Variants in CACNA2D3 observed in about 807,000 individuals in gnomAD.
CACNA2D3 encodes calcium voltage-gated channel auxiliary subunit alpha2delta 3.
In CACNA2D3, 60 loss-of-function variants were observed where a neutral mutation model predicts 160.6. The observed-to-expected ratio is 0.37, with a 90% CI of 0.30 to 0.46. The LOEUF (loss-of-function observed/expected upper bound fraction) is 0.46. Among genes scored for constraint, CACNA2D3 ranks in the 20% least tolerant of loss-of-function variants. The probability of loss-of-function intolerance (pLI) is 1.00; values close to 1 mark genes in which losing one functional copy is unlikely to be tolerated. For missense variants in CACNA2D3, 1,205 were observed against 1,365.0 expected (o/e 0.88, Z 1.85); for synonymous variants, 558 against 492.9 (o/e 1.13, Z -1.75).
rs1559461092 is a variant in CACNA2D3, at chr3:55,004,826, T to C, written c.2754T>C (p.His918=). The C allele has an allele frequency of 1.2e-6, 2 of 1,612,962 alleles. No homozygotes were observed. Among genetic ancestry groups the C allele is most frequent in the East Asian group, 2.2e-5 (1 of 44,854 alleles). The change falls in exon 32 of 38, where the codon CAT becomes CAC. Residue 918 remains histidine, a synonymous_variant. Coordinates refer to ENST00000474759, the MANE Select transcript of CACNA2D3 (RefSeq NM_018398.3). The part of the protein sequence containing the change: ...RANKESSDGA[H]GLLDPYNAFL... ...ACAAGGAAAGCAGCGATGGCGCCCATGGCCTCCTGGATGTAAGTACTATGC... is the reference window on the plus strand; with the variant it reads ...ACAAGGAAAGCAGCGATGGCGCCCACGGCCTCCTGGATGTAAGTACTATGC...
rs143892605 is a variant in CACNA2D3, at chr3:54,453,137, A to G, written c.382-50355A>G. ...TTCCCAAGCTGCTGGGACCATAAGT[A>G]TGCACCACCACACCCAGCTAATTTT... On this transcript the variant is annotated intron_variant, in intron 4 of 37. Transcript: ENST00000474759. 1.5e-3 allele frequency among the ~76,000 whole-genome samples: 225 copies of G among 151,978 alleles called. 1 individual carries two copies. In the East Asian group the frequency reaches 0.026, roughly 18 times the overall value.
At chr3:54,272,333 G>A (rs774070121) in intron 2 of CACNA2D3, among the ~76,000 whole-genome samples, 2 of 152,246 alleles carry the variant, frequency 1.3e-5, no homozygotes, top group Non-Finnish European at 2.9e-5. Context: ...CTTGCAGCCA[G>A]TGAGAGAAGC....
At chr3:54,998,571 A>G (rs1702908883) in intron 31 of CACNA2D3, among the ~76,000 whole-genome samples, 1 of 152,164 alleles carries the variant, frequency 6.6e-6, no homozygotes, top group African/African-American at 2.4e-5. Context: ...TTTGGTGCCA[A>G]CAGACCCTCT....
intron 35 of CACNA2D3, among the ~76,000 whole-genome samples, chr3:55,051,704 C>G (rs1225995949): frequency 6.6e-6 from 1 of 152,174 alleles, no homozygotes; most frequent in African/African-American, 2.4e-5. Context: ...CTCCCCCAGC[C>G]TCGCTGCCGC....
chr3:55,058,419 C>A (rs905402154), intron 35 of CACNA2D3, among the ~76,000 whole-genome samples: 1 of 152,110 alleles, frequency 6.6e-6, no homozygotes, highest in Non-Finnish European at 1.5e-5. Context: ...AGGATTCCTT[C>A]TGGGGAGAAC....
chr3:54,144,181 G>T (rs528282063), intron 2 of CACNA2D3, among the ~76,000 whole-genome samples: 1 of 152,298 alleles, frequency 6.6e-6, no homozygotes, highest in Admixed American at 6.5e-5. Flanking sequence ...TGTATCTTAT[G>T]AGCATATCCC....
Position 54,436,228 on chromosome 3 carries a change from A to G in CACNA2D3, c.381+49454A>G, listed in dbSNP as rs1248293921. On this transcript the variant is annotated intron_variant, in intron 4 of 37. Transcript: ENST00000474759. ...AAATGCAAATCAAAACCACAATGAG[A>G]TAACATCTCACGCCAGTTAGAATGG... Among the ~76,000 whole-genome samples the G allele has an allele frequency of 2.6e-5, 4 of 152,380 alleles. No homozygotes were observed. The East Asian group carries it at 7.7e-4, about 29-fold the overall frequency.
chr3:54,202,493 G>A (rs1701198053), intron 2 of CACNA2D3, among the ~76,000 whole-genome samples: 1 of 152,204 alleles, frequency 6.6e-6, no homozygotes, highest in Non-Finnish European at 1.5e-5. Flanking sequence ...TATACTGTGA[G>A]TTGATATACC....
intron 11 of CACNA2D3, among the ~76,000 whole-genome samples, chr3:54,658,103 T>G (rs1699906507): frequency 6.6e-6 from 1 of 152,242 alleles, no homozygotes; most frequent in Admixed American, 6.5e-5. Context: ...TTGCATTGTT[T>G]CCATATCTGG....
chr3:54,227,824 C>T (rs1181155447), intron 2 of CACNA2D3, among the ~76,000 whole-genome samples: 3 of 152,156 alleles, frequency 2.0e-5, no homozygotes, highest in African/African-American at 7.2e-5. Context: ...GCTGGGATTA[C>T]AGGTGTGAGC....
intron 16 of CACNA2D3, among the ~76,000 whole-genome samples, chr3:54,842,454 T>C (rs1403460501): frequency 6.6e-6 from 1 of 152,208 alleles, no homozygotes; most frequent in African/African-American, 2.4e-5. Flanking sequence ...GCCTGCCACA[T>C]GCCTGACCTT....
At chr3:54,774,543 C>T (rs1424477844) in intron 13 of CACNA2D3, among the ~76,000 whole-genome samples, 1 of 150,152 alleles carries the variant, frequency 6.7e-6, no homozygotes, top group East Asian at 2.0e-4. Context: ...CCGGGGGTTA[C>T]AATTTGATAC....
chr3:54,546,644 T>C (rs1305300894), intron 5 of CACNA2D3, among the ~76,000 whole-genome samples: 1 of 152,130 alleles, frequency 6.6e-6, no homozygotes, highest in Non-Finnish European at 1.5e-5. Flanking sequence ...TGCTATAATC[T>C]TTTTTGGTTA....
chr3:54,842,506 C>T (rs1698840265), intron 16 of CACNA2D3, among the ~76,000 whole-genome samples: 1 of 152,162 alleles, frequency 6.6e-6, no homozygotes, highest in Admixed American at 6.5e-5. Context: ...GAGGTGGCCC[C>T]TTTCCCACAA....
At chr3:54,175,338 C>T (rs140134271) in intron 2 of CACNA2D3, among the ~76,000 whole-genome samples, 1,898 of 152,124 alleles carry the variant, frequency 0.012, 39 homozygotes, top group African/African-American at 0.042. Context: ...AGATTAAGGC[C>T]GGGCGCGGTG....
At chr3:54,507,794 CCCTACT>C (rs1195418479) in intron 5 of CACNA2D3, among the ~76,000 whole-genome samples, 1 of 152,186 alleles carries the variant, frequency 6.6e-6, no homozygotes, top group Non-Finnish European at 1.5e-5. Flanking sequence ...CCCAGGGTTG[CCCTACT>C]CTCACATCTG....
At chr3:54,736,074 C>CATACATATATATATGTATATATATACAT in intron 11 of CACNA2D3, among the ~76,000 whole-genome samples, 1 of 29,534 alleles carries the variant, frequency 3.4e-5, no homozygotes, top group African/African-American at 1.2e-4. Context: ...TATATATATA[C>CATACATATATATATGTATATATATACAT]ATATATATGT....
chr3:54,161,365 A>G lies in CACNA2D3; in HGVS notation c.204+37771A>G, dbSNP rs575666901. ...GTAAAGGAGACAGCAGTCTTAGCCAATTGAGATTAAAATATCCTACTTTTG... is the reference window on the plus strand; with the variant it reads ...GTAAAGGAGACAGCAGTCTTAGCCAGTTGAGATTAAAATATCCTACTTTTG... On this transcript the variant is annotated intron_variant, in intron 2 of 37. Transcript: ENST00000474759. Among the ~76,000 whole-genome samples, 6 of 152,320 alleles carry G rather than the reference A, an allele frequency of 3.9e-5. No individual in the cohort carries two copies. In the South Asian group the frequency reaches 6.2e-4, roughly 16 times the overall value.
intron 2 of CACNA2D3, among the ~76,000 whole-genome samples, chr3:54,296,552 G>C (rs112918239): frequency 2.0e-5 from 3 of 152,120 alleles, no homozygotes; most frequent in Non-Finnish European, 2.9e-5. Context: ...ATCCGTGCTC[G>C]CTTTTATTCA....
Sources: allele counts gnomAD v4.1 joint callset (sites outside exome capture counted in the v4.1 genomes callset), GRCh38; gene constraint gnomAD v4.1.1; transcripts MANE v1.5; gene names NCBI Gene and HGNC (gene_info 2026-07-23, HGNC 2026-07-21).